Variants in FRAS1 observed in about 807,000 individuals in gnomAD.
FRAS1 encodes extracellular matrix organizing protein FRAS1.
In FRAS1, 290 loss-of-function variants were observed where a neutral mutation model predicts 435.2. The observed-to-expected ratio is 0.67, with a 90% confidence interval of 0.61 to 0.73. The LOEUF is 0.73. FRAS1 is among the 30% of genes least tolerant of loss of function. The pLI, the probability that FRAS1 is intolerant of heterozygous loss-of-function variation, is 0.00. For missense variants in FRAS1, 4,860 were observed against 5,001.5 expected, an observed-to-expected ratio of 0.97 and a Z score of 0.85; for synonymous variants, 1,800 against 1,851.0, an observed-to-expected ratio of 0.97 and a Z score of 0.71.
intron 20 of FRAS1, among the ~76,000 whole-genome samples, chr4:78,346,446 T>C (rs365657): frequency 0.17 from 25,772 of 152,086 alleles, 2,882 homozygotes; most frequent in African/African-American, 0.32. Context: ...AGTTAGTAAG[T>C]CCTGGAGCTG....
intron 2 of FRAS1, among the ~76,000 whole-genome samples, chr4:78,101,606 C>T (rs539714958): frequency 3.3e-5 from 5 of 152,168 alleles, no homozygotes; most frequent in Admixed American, 6.5e-5. Context: ...TAGGAATTTT[C>T]TCTCTAGAGA....
chr4:78,132,217 A>G (rs545737952), intron 2 of FRAS1, among the ~76,000 whole-genome samples: 5 of 152,342 alleles, frequency 3.3e-5, no homozygotes, highest in Admixed American at 2.6e-4. Context: ...CAGGAAGGGC[A>G]GCCAGTACTA....
At chr4:78,478,458 T>C (rs1262031691) in intron 55 of FRAS1, among the ~76,000 whole-genome samples, 1 of 152,230 alleles carries the variant, frequency 6.6e-6, no homozygotes, top group Admixed American at 6.5e-5. Context: ...AGAAATATGC[T>C]GAAAATTTCC....
chr4:78,267,896 A>T (rs12501798), intron 9 of FRAS1, among the ~76,000 whole-genome samples: 2 of 152,088 alleles, frequency 1.3e-5, no homozygotes, highest in Non-Finnish European at 2.9e-5. Flanking sequence ...AGGAAAAAAC[A>T]TAACATGCTT....
chr4:78,222,758 C>T (rs1402907431), intron 2 of FRAS1, among the ~76,000 whole-genome samples: 1 of 152,142 alleles, frequency 6.6e-6, no homozygotes, highest in Non-Finnish European at 1.5e-5. Context: ...TCATTGTTCT[C>T]AAAGGCACAG....
chr4:78,373,093 C>G (rs1314378777), intron 24 of FRAS1, among the ~76,000 whole-genome samples: 1 of 152,084 alleles, frequency 6.6e-6, no homozygotes, highest in Non-Finnish European at 1.5e-5. Context: ...GCATATAGGA[C>G]CACACAAACA....
rs757991871 is a variant in FRAS1, at chr4:78,431,561, C to G, written c.4970-796C>G. The stretch of plus-strand genomic sequence containing the variant: ...AGCACTAGTTATTAGAACTAATAAT[C>G]TATCAAAAGATAGAGTTGAATATAA... On this transcript the variant is annotated intron_variant, in intron 37 of 73. Transcript: ENST00000512123. 2.8e-4 allele frequency among the ~76,000 whole-genome samples: 42 copies of G among 152,226 alleles called. 1 individual carries two copies. The highest frequency in any genetic ancestry group is 5.3e-4 in the Non-Finnish European group (36 of 67,996).
In FRAS1 at chr4:78,412,982, C is replaced by T. The variant is rs1326616020; in HGVS notation, c.4322C>T (p.Ser1441Phe). 6.2e-7 allele frequency: 1 copy of T among 1,604,200 alleles called. No homozygotes were observed. The highest frequency in any genetic ancestry group is 8.5e-7 in the Non-Finnish European group (1 of 1,175,684). ...CTTTCTTTTCAGGTGTCCAGTGCCT[C>T]CAATGCCCAGACCCGCCTGGAGAGC... ...DSFRFEVSSASNAQTRLESHM... is the reference protein window; with the variant it reads ...DSFRFEVSSAFNAQTRLESHM... The change falls in exon 32 of 74, where the codon TCC becomes TTC. Residue 1441 changes from serine (S) to phenylalanine (F), a missense_variant. Physicochemically the swap from Ser to Phe is radical, Grantham distance 155 (BLOSUM62 -2). Coordinates refer to ENST00000512123, the MANE Select transcript of FRAS1 (RefSeq NM_025074.7).
At chr4:78,390,842 A>T (rs1017101769) in intron 29 of FRAS1, among the ~76,000 whole-genome samples, 2 of 152,250 alleles carry the variant, frequency 1.3e-5, no homozygotes, top group African/African-American at 4.8e-5. Flanking sequence ...GATAGTTTAA[A>T]TGGAATGGCC....
intron 40 of FRAS1, 128 bp from the exon 41 acceptor site, chr4:78,441,034 G>A (rs564230286): frequency 5.1e-6 from 4 of 784,028 alleles, no homozygotes; most frequent in South Asian, 1.8e-5. Flanking sequence ...GTCTGTAGAT[G>A]GTCTGCCTCC....
intron 2 of FRAS1, among the ~76,000 whole-genome samples, chr4:78,113,604 C>T (rs1742895158): frequency 6.6e-6 from 1 of 152,090 alleles, no homozygotes; most frequent in Non-Finnish European, 1.5e-5. Context: ...TTTCATGTGT[C>T]TTTTGGCTCC....
At chr4:78,294,114 C>T (rs1162180290) in intron 14 of FRAS1, among the ~76,000 whole-genome samples, 1 of 152,194 alleles carries the variant, frequency 6.6e-6, no homozygotes, top group Non-Finnish European at 1.5e-5. Context: ...TTCTCTTCTC[C>T]ATTCCCCACC....
rs763094066 is a variant in FRAS1, at chr4:78,060,049, A to G, written c.76+1964A>G. Among the ~76,000 whole-genome samples, 20 of 152,310 alleles carry G rather than the reference A, an allele frequency of 1.3e-4. No individual in the cohort carries two copies. In the South Asian group the frequency reaches 1.5e-3, roughly 11 times the overall value. ...TGTCTGAGTTTCCACCCACGTCATA[A>G]TGGTGCTTATCTAATAATGAATGAA... On this transcript the variant is annotated intron_variant, in intron 1 of 73. Transcript: ENST00000512123.
At chr4:78,141,137 C>T (rs1014036606) in intron 2 of FRAS1, among the ~76,000 whole-genome samples, 1 of 152,160 alleles carries the variant, frequency 6.6e-6, no homozygotes, top group East Asian at 1.9e-4. Context: ...TGGTGGTTTG[C>T]TGCACCCATC....
intron 16 of FRAS1, among the ~76,000 whole-genome samples, chr4:78,316,126 G>A (rs1729236107): frequency 6.6e-6 from 1 of 152,222 alleles, no homozygotes; most frequent in Non-Finnish European, 1.5e-5. Flanking sequence ...AAATTAAAAA[G>A]TTAAACCAAG....
At chr4:78,450,585 G>C in intron 45 of FRAS1, 1 of 455,192 alleles carries the variant, frequency 2.2e-6, no homozygotes, top group Middle Eastern at 6.1e-4. Context: ...CTATTTTGGA[G>C]AGAAAAAGTT....
chr4:78,434,174 G>A (rs375846084), intron 38 of FRAS1, among the ~76,000 whole-genome samples: 2 of 152,314 alleles, frequency 1.3e-5, no homozygotes, highest in East Asian at 3.9e-4. Flanking sequence ...AGAGTATAAA[G>A]GTTTAGGAAC....
At chr4:78,347,769 G>T (rs1161733193) in intron 20 of FRAS1, among the ~76,000 whole-genome samples, 2 of 142,178 alleles carry the variant, frequency 1.4e-5, no homozygotes, top group East Asian at 4.0e-4. Flanking sequence ...GTGTGTATGT[G>T]TGTGCGTGTG....
At chr4:78,226,097 T>C (rs1411103799) in intron 2 of FRAS1, among the ~76,000 whole-genome samples, 1 of 152,188 alleles carries the variant, frequency 6.6e-6, no homozygotes, top group Non-Finnish European at 1.5e-5. Context: ...TGTTAATCAT[T>C]GTGTTAAACA....
Sources: gnomAD v4.1 joint callset for allele counts (sites outside exome capture counted in the v4.1 genomes callset) on GRCh38, gnomAD v4.1.1 for gene constraint, MANE v1.5 for transcripts, NCBI Gene and HGNC (gene_info 2026-07-23, HGNC 2026-07-21) for gene names.